Variants in ARID1B observed in about 807,000 individuals in gnomAD.
ARID1B encodes the protein AT-rich interactive domain-containing protein 1B.
A neutral mutation model predicts 212.3 loss-of-function variants in ARID1B; 30 were observed. The observed-to-expected ratio is 0.14, with a 90% CI of 0.11 to 0.19. The LOEUF (loss-of-function observed/expected upper bound fraction) is 0.19. Ranked by LOEUF, ARID1B falls within the 10% of genes least tolerant of loss-of-function variation. ARID1B has a pLI of 1.00. For missense variants in ARID1B, 2,891 were observed against 3,204.0 expected, an observed-to-expected ratio of 0.90 and a Z score of 2.36; for synonymous variants, 1,402 against 1,301.7, an observed-to-expected ratio of 1.08 and a Z score of -1.66.
intron 4 of ARID1B, among the ~76,000 whole-genome samples, chr6:156,994,077 T>C (rs73790991): frequency 0.033 from 5,028 of 152,272 alleles, 273 homozygotes; most frequent in African/African-American, 0.11. Context: ...AAACTTTTGG[T>C]CATTTTTTTT....
In ARID1B at chr6:156,827,863, C is replaced by T. The variant is rs192327186; in HGVS notation, c.1792-1364C>T. Among the ~76,000 whole-genome samples, 402 of 143,056 alleles carry T rather than the reference C, an allele frequency of 2.8e-3. 1 individual carries two copies. The highest frequency in any genetic ancestry group is 4.4e-3 in the Non-Finnish European group (293 of 66,610). 93.9% of individuals were successfully genotyped at this position (143,056 alleles called of 152,430 possible). A position where few individuals can be genotyped will look rare whatever the true frequency, so the allele number is the denominator to read the frequency against. The stretch of plus-strand genomic sequence containing the variant: ...GCAGCCTCCGCCTCCTGGGTTCAAG[C>T]GATTCTCCTGCCTCAGCCTCCGGAG... On this transcript the variant is annotated intron_variant, in intron 1 of 19. Coordinates refer to ENST00000636930, the MANE Select transcript of ARID1B (RefSeq NM_001374828.1).
intron 5 of ARID1B, among the ~76,000 whole-genome samples, chr6:157,093,602 T>C (rs371287250): frequency 6.6e-6 from 1 of 152,248 alleles, no homozygotes; most frequent in African/African-American, 2.4e-5. Context: ...ATAAATGATA[T>C]AACTAGGAAT....
At position 157,206,721 on chromosome 6, in the gene ARID1B, A is replaced by G. The variant is rs759757755; in HGVS notation, c.5949A>G (p.Glu1983=). The G allele has an allele frequency of 1.9e-6, 3 of 1,613,002 alleles. No individual in the cohort carries two copies. Among genetic ancestry groups the G allele is most frequent in the Admixed American group, 1.7e-5 (1 of 60,030 alleles). ...LSSAGRKKEQ[E]GKGDSEEQQE... is the part of the protein sequence containing the mutation. The stretch of plus-strand genomic sequence containing the variant: ...CCGCAGGTAGAAAGAAAGAGCAAGA[A>G]GGCAAAGGCGACTCTGAAGAGCAGC... The change falls in exon 20 of 20, where the codon GAA becomes GAG. Residue 1983 remains glutamate (E), a synonymous_variant. Coordinates refer to ENST00000636930, the MANE Select transcript of ARID1B (RefSeq NM_001374828.1). The surrounding 1 kb of genome is among the most constrained non-coding windows in gnomAD (Gnocchi z 6.8).
At chr6:156,917,716 C>CTTTG (rs1400152774) in intron 3 of ARID1B, among the ~76,000 whole-genome samples, 1 of 152,252 alleles carries the variant, frequency 6.6e-6, no homozygotes, top group East Asian at 1.9e-4. Flanking sequence ...TTTATATTGC[C>CTTTG]TTTGCCTCAG....
At chr6:156,900,267 C>CT (rs1382548382) in intron 2 of ARID1B, among the ~76,000 whole-genome samples, 18 of 152,276 alleles carry the variant, frequency 1.2e-4, no homozygotes, top group Non-Finnish European at 2.6e-4. Flanking sequence ...AATATAGGAA[C>CT]TTTAACTTTT....
intron 1 of ARID1B, chr6:156,779,821 G>T (rs1286695592): frequency 1.9e-5 from 3 of 154,480 alleles, no homozygotes; most frequent in African/African-American, 7.2e-5. Context: ...GACCGTTCGG[G>T]TGCTTTTGTA....
At chr6:156,961,248 C>CT (rs1794353511) in intron 4 of ARID1B, among the ~76,000 whole-genome samples, 1 of 152,250 alleles carries the variant, frequency 6.6e-6, no homozygotes, top group Non-Finnish European at 1.5e-5. Context: ...TCCTGCAACA[C>CT]TGTACGTTTA....
At chr6:157,065,343 C>T (rs1783604600) in intron 4 of ARID1B, among the ~76,000 whole-genome samples, 1 of 152,056 alleles carries the variant, frequency 6.6e-6, no homozygotes, top group Non-Finnish European at 1.5e-5. Context: ...GGTTCTGTAC[C>T]ATAATCGGGA....
intron 3 of ARID1B, among the ~76,000 whole-genome samples, chr6:156,934,311 A>AGT (rs138621079): frequency 8.3e-6 from 1 of 120,670 alleles, no homozygotes; most frequent in Non-Finnish European, 1.6e-5. Context: ...CTGAGCATAC[A>AGT]CAGGTAGCTA....
In ARID1B at chr6:157,080,476, G is replaced by T. The variant is rs949365682; in HGVS notation, c.2248-4186G>T. Among the ~76,000 whole-genome samples the T allele has an allele frequency of 5.7e-4, 87 of 152,176 alleles. 1 individual carries two copies. Among genetic ancestry groups the T allele is most frequent in the Non-Finnish European group, 8.8e-5 (6 of 68,022 alleles). The stretch of plus-strand genomic sequence containing the variant: ...AGGATCATGTACAATCTGTAGGCAT[G>T]AGAGAGTCTTTATACTTAATATCTA... On this transcript the variant is annotated intron_variant, in intron 4 of 19. Transcript: ENST00000636930.
At chr6:156,907,991 T>C (rs1232940829) in intron 3 of ARID1B, among the ~76,000 whole-genome samples, 1 of 152,128 alleles carries the variant, frequency 6.6e-6, no homozygotes, top group African/African-American at 2.4e-5. Flanking sequence ...TCTCTGAATG[T>C]TTAGTAAAAC....
chr6:157,004,357 A>T (rs1199647466), intron 4 of ARID1B, among the ~76,000 whole-genome samples: 1 of 150,882 alleles, frequency 6.6e-6, no homozygotes, highest in African/African-American at 2.4e-5. Flanking sequence ...CTAAGTGTTT[A>T]GCAAGTGAAA....
intron 15 of ARID1B, among the ~76,000 whole-genome samples, chr6:157,191,374 G>A (rs949779813): frequency 6.6e-6 from 1 of 152,104 alleles, no homozygotes; most frequent in African/African-American, 2.4e-5. Context: ...GACCGGGCTA[G>A]AGAGGGGAAC....
chr6:156,888,811 C>T (rs967266796), intron 2 of ARID1B, among the ~76,000 whole-genome samples: 1 of 152,174 alleles, frequency 6.6e-6, no homozygotes, highest in Admixed American at 6.5e-5. Context: ...TATCCTATGA[C>T]CTTCACAGGA....
At position 156,948,242 on chromosome 6, in the gene ARID1B, T is replaced by C. The variant is rs975768830; in HGVS notation, c.2247+12666T>C. 1.4e-4 allele frequency among the ~76,000 whole-genome samples: 22 copies of C among 152,358 alleles called. 1 individual carries two copies. In the South Asian group the frequency reaches 2.9e-3, roughly 20 times the overall value. ...ATTTATTTATTTCTATTTAATATGTTTTTGAGACAGAGTCTTGCTCTGTCA... is the reference window on the plus strand; with the variant it reads ...ATTTATTTATTTCTATTTAATATGTCTTTGAGACAGAGTCTTGCTCTGTCA... On this transcript the variant is annotated intron_variant, in intron 4 of 19. Coordinates refer to ENST00000636930, the MANE Select transcript of ARID1B (RefSeq NM_001374828.1).
At chr6:156,905,250 G>GCGCGCGCACACA (rs1554265935) in intron 3 of ARID1B, among the ~76,000 whole-genome samples, 21 of 143,836 alleles carry the variant, frequency 1.5e-4, no homozygotes, top group African/African-American at 5.0e-4. Context: ...ACATATGCAC[G>GCGCGCGCACACA]CACACACACA....
At chr6:156,827,754 CTTTTTTTTTTTTT>C (rs532857305) in intron 1 of ARID1B, among the ~76,000 whole-genome samples, 5,275 of 68,700 alleles carry the variant, frequency 0.077, 397 homozygotes, top group African/African-American at 0.23. Flanking sequence ...CCTGGTAATT[CTTTTTTTTTTTTT>C]TTTTTTTTTT....
chr6:156,941,088 A>T (rs774219696), intron 4 of ARID1B: 1 of 152,242 alleles, frequency 6.6e-6, no homozygotes, highest in Non-Finnish European at 1.5e-5. Flanking sequence ...AAGTTAATGA[A>T]GGAAAACCCA....
At chr6:157,202,077 G>T (rs1404485486) in intron 18 of ARID1B, among the ~76,000 whole-genome samples, 1 of 152,216 alleles carries the variant, frequency 6.6e-6, no homozygotes, top group East Asian at 1.9e-4. Context: ...TATGTAGATT[G>T]ATAGATGGTA....
Sources: allele counts gnomAD v4.1 joint callset (sites outside exome capture counted in the v4.1 genomes callset), GRCh38; gene constraint gnomAD v4.1.1; non-coding constraint Gnocchi (gnomAD v3.1); transcripts MANE v1.5; gene names NCBI Gene and HGNC (gene_info 2026-07-23, HGNC 2026-07-21).